The following ZNF699 variants were observed in gnomAD, a reference collection of about 807,000 sequenced individuals.
ZNF699 encodes hangover homolog.
Under a neutral mutation model 22.5 loss-of-function variants are expected in ZNF699, and 18 were observed. The observed-to-expected ratio is 0.80, with a 90% CI of 0.55 to 1.19. The LOEUF (loss-of-function observed/expected upper bound fraction) is 1.19. ZNF699 is among the 50% of genes most tolerant of loss of function. The pLI, the probability that ZNF699 is intolerant of heterozygous loss-of-function variation, is 0.00. For synonymous variants in ZNF699, 241 were observed against 262.3 expected, an observed-to-expected ratio of 0.92 and a Z score of 0.78; for missense variants, 670 against 763.4, an observed-to-expected ratio of 0.88 and a Z score of 1.44.
rs2066266605 is a variant in ZNF699 at position 9,291,818 on chromosome 19, C to T, written c.*3657G>A. 2 of 151,890 alleles carry T rather than the reference C, an allele frequency of 1.3e-5. No individual in the cohort carries two copies. Among genetic ancestry groups the T allele is most frequent in the Admixed American group, 1.3e-4 (2 of 15,242 alleles). The allele number at this position is 151,890 out of a possible 1,614,324, so 9.4% of individuals were successfully genotyped here. A position where few individuals can be genotyped will look rare whatever the true frequency, so the allele number is the denominator to read the frequency against. On this transcript the variant is annotated 3_prime_UTR_variant, in exon 6 of 6. Transcript: ENST00000591998. ...CACCTCCTGGGTTCAAGTGATTCTCCTGCCCCAGCCTCCTGAGTAGCTGAG... is the reference window on the plus strand; with the variant it reads ...CACCTCCTGGGTTCAAGTGATTCTCTTGCCCCAGCCTCCTGAGTAGCTGAG...
At chr19:9,303,152 G>C (rs1397625043) in intron 2 of ZNF699, among the ~76,000 whole-genome samples, 1 of 152,170 alleles carries the variant, frequency 6.6e-6, no homozygotes, top group African/African-American at 2.4e-5. Flanking sequence ...CACCAGATGT[G>C]TGGGGGATAT....
At chr19:9,303,237 C>CTGGAGATTCCACAGGT (rs1568346557) in intron 2 of ZNF699, among the ~76,000 whole-genome samples, 2 of 152,144 alleles carry the variant, frequency 1.3e-5, no homozygotes, top group Non-Finnish European at 2.9e-5. Context: ...TACTATCTAC[C>CTGGAGATTCCACAGGT]TGGAGATTCC....
intron 3 of ZNF699, among the ~76,000 whole-genome samples, chr19:9,301,717 G>A (rs2066307851): frequency 1.3e-5 from 2 of 151,980 alleles, no homozygotes. Flanking sequence ...AGTGTGTTCT[G>A]GTAGTCTTTG....
chr19:9,297,236 T>C lies in ZNF699; in HGVS notation c.470+60A>G. The stretch of plus-strand genomic sequence containing the variant: ...ATATATACATATTTCTTAAATTTCA[T>C]GACTTTAATTTTAAGATTCTCTCCT... On this transcript the variant is annotated intron_variant, in intron 5 of 5. Coordinates refer to ENST00000591998, the MANE Select transcript of ZNF699 (RefSeq NM_198535.3). The surrounding 1 kb of genome is among the most constrained non-coding windows in gnomAD (Gnocchi z 4.3). 2 of 1,470,370 alleles carry C rather than the reference T, an allele frequency of 1.4e-6. No individual in the cohort carries two copies. 91.1% of individuals were successfully genotyped at this position (1,470,370 alleles called of 1,614,324 possible). A position where few individuals can be genotyped will look rare whatever the true frequency, so the allele number is the denominator to read the frequency against.
chr19:9,304,921 CA>C (rs34867149), intron 2 of ZNF699, 150 bp downstream of exon 2: 9,306 of 303,890 alleles, frequency 0.031, no homozygotes, highest in South Asian at 0.043. Flanking sequence ...GACTCTGTCT[CA>C]AAAAAAAAAA....
chr19:9,301,128 CAAA>C (rs142708432), intron 3 of ZNF699, among the ~76,000 whole-genome samples: 3 of 134,184 alleles, frequency 2.2e-5, no homozygotes, highest in Non-Finnish European at 4.8e-5. Flanking sequence ...ATAAAGCCTA[CAAA>C]AAAAAAAGAG....
At chr19:9,307,381 A>G (rs1306824151) in intron 1 of ZNF699, among the ~76,000 whole-genome samples, 1 of 152,168 alleles carries the variant, frequency 6.6e-6, no homozygotes, top group Non-Finnish European at 1.5e-5. Flanking sequence ...ATAGAAAAAT[A>G]AAAAAGAAAA....
At chr19:9,298,466 G>A (rs2066295466) in intron 3 of ZNF699, among the ~76,000 whole-genome samples, 1 of 151,262 alleles carries the variant, frequency 6.6e-6, no homozygotes, top group Non-Finnish European at 1.5e-5. Context: ...AAAAAGGAGA[G>A]GTGGCAGGAG....
rs1318686660 is a variant in ZNF699, at chr19:9,293,441, T to C, written c.*2034A>G. Among the ~76,000 whole-genome samples, 2 of 152,200 alleles carry C rather than the reference T, an allele frequency of 1.3e-5. No homozygotes were observed. Among genetic ancestry groups the C allele is most frequent in the African/African-American group, 4.8e-5 (2 of 41,444 alleles). Reference sequence around the variant, plus strand: ...TTCAGTAAATTCATTCCTGAGCATATAGCACATACCAAGATAAATAAGCCC... The same window carrying C: ...TTCAGTAAATTCATTCCTGAGCATACAGCACATACCAAGATAAATAAGCCC... On this transcript the variant is annotated 3_prime_UTR_variant, in exon 6 of 6. Transcript: ENST00000591998.
intron 3 of ZNF699, among the ~76,000 whole-genome samples, chr19:9,299,481 C>T (rs1311871509): frequency 6.6e-6 from 1 of 151,922 alleles, no homozygotes; most frequent in African/African-American, 2.4e-5. Context: ...ACTTTATCAC[C>T]CAGGCTGTAG....
At chr19:9,300,665 G>A (rs2066303786) in intron 3 of ZNF699, among the ~76,000 whole-genome samples, 1 of 152,162 alleles carries the variant, frequency 6.6e-6, no homozygotes, top group South Asian at 2.1e-4. Flanking sequence ...AATGTATATT[G>A]CTAAGTGAAA....
chr19:9,304,367 G>C (rs1049385502), intron 2 of ZNF699, among the ~76,000 whole-genome samples: 5 of 151,574 alleles, frequency 3.3e-5, no homozygotes, highest in Non-Finnish European at 1.5e-5. Context: ...AAAATACACC[G>C]AGAGAAAAGC....
chr19:9,293,011 C>T lies in ZNF699; in HGVS notation c.*2464G>A, dbSNP rs2066270573. Reference sequence around the variant, plus strand: ...ATTAGCCAGGTGTGGTGGCACACGCCTGTAATCCCAGCTACTCAGGAGGCT... The same window carrying T: ...ATTAGCCAGGTGTGGTGGCACACGCTTGTAATCCCAGCTACTCAGGAGGCT... On this transcript the variant is annotated 3_prime_UTR_variant, in exon 6 of 6. Transcript: ENST00000591998. Among the ~76,000 whole-genome samples the T allele has an allele frequency of 6.6e-6, 1 of 151,510 alleles. No individual in the cohort carries two copies. The highest frequency in any genetic ancestry group is 2.1e-4 in the South Asian group (1 of 4,806).
chr19:9,301,743 T>C (rs989402155), intron 3 of ZNF699, among the ~76,000 whole-genome samples: 1 of 152,150 alleles, frequency 6.6e-6, no homozygotes, highest in African/African-American at 2.4e-5. Flanking sequence ...AGGACACAGA[T>C]AGCAGTAAAA....
At chr19:9,299,173 C>T (rs987909209) in intron 3 of ZNF699, among the ~76,000 whole-genome samples, 1 of 152,190 alleles carries the variant, frequency 6.6e-6, no homozygotes, top group Non-Finnish European at 1.5e-5. Flanking sequence ...CTCGCTCTGT[C>T]GCCCAGGCGG....
intron 1 of ZNF699, among the ~76,000 whole-genome samples, chr19:9,309,092 G>A (rs1408325944): frequency 6.6e-6 from 1 of 150,752 alleles, no homozygotes; most frequent in African/African-American, 2.4e-5. Context: ...TGCAACCTCT[G>A]CCTCCCGAGT....
chr19:9,300,120 G>A (rs546429072), intron 3 of ZNF699, among the ~76,000 whole-genome samples: 18 of 152,218 alleles, frequency 1.2e-4, no homozygotes, highest in African/African-American at 2.2e-4. Flanking sequence ...TCGCTCTGTC[G>A]CCCAGGCTGG....
chr19:9,295,898 C>G lies in ZNF699; in HGVS notation c.1506G>C (p.Pro502=). The G allele has an allele frequency of 1.2e-6, 2 of 1,613,344 alleles. No individual in the cohort carries two copies. The highest frequency in any genetic ancestry group is 1.7e-6 in the Non-Finnish European group (2 of 1,179,808). ...CTTTCCCACATTCTTTACATTCATA[C>G]GGCTTCTCTCCGCTGTGAGTTCTTA... The part of the protein sequence containing the change: ...EHLRTHSGEK[P]YECKECGKAF... The change falls in exon 6 of 6, where the codon CCG becomes CCC. Residue 502 remains proline, a synonymous_variant. Coordinates refer to ENST00000591998, the MANE Select transcript of ZNF699 (RefSeq NM_198535.3).
rs2066291928 is a variant in ZNF699, at chr19:9,297,653, G to T, written c.287-174C>A. Among the ~76,000 whole-genome samples the T allele has an allele frequency of 6.6e-6, 1 of 152,138 alleles. No individual in the cohort carries two copies. Among genetic ancestry groups the T allele is most frequent in the African/African-American group, 2.4e-5 (1 of 41,450 alleles). On this transcript the variant is annotated intron_variant, in intron 4 of 5. Transcript: ENST00000591998. This position sits in a 1 kb window ranked among gnomAD's most constrained non-coding sequence, Gnocchi z 4.3. ...AATATAGTATTAGGAGAACAAAACA[G>T]AAATTGGATAAAATGCACATGACCA...
Sources: allele counts gnomAD v4.1 joint callset (sites outside exome capture counted in the v4.1 genomes callset), GRCh38; gene constraint gnomAD v4.1.1; non-coding constraint Gnocchi (gnomAD v3.1); transcripts MANE v1.5; gene names NCBI Gene and HGNC (gene_info 2026-07-23, HGNC 2026-07-21).